Variants in NUP210 observed in about 807,000 individuals in gnomAD.
NUP210 encodes the protein nuclear pore membrane glycoprotein 210.
Under a neutral mutation model 196.0 loss-of-function variants are expected in NUP210, and 151 were observed. The observed-to-expected ratio is 0.77, with a 90% CI of 0.67 to 0.88. The LOEUF (loss-of-function observed/expected upper bound fraction) is 0.88, where lower values mean the gene tolerates loss of function less well. Among genes scored for constraint, NUP210 ranks in the 40% least tolerant of loss-of-function variants. The probability of loss-of-function intolerance (pLI) is 0.00; values close to 1 mark genes in which losing one functional copy is unlikely to be tolerated. For missense variants in NUP210, 2,314 were observed against 2,493.7 expected (o/e 0.93, Z 1.53); for synonymous variants, 1,070 against 1,052.7 (o/e 1.02, Z -0.32).
At position 13,319,948 on chromosome 3, in the gene NUP210, A is replaced by C. The variant is rs1460399464; in HGVS notation, c.5198T>G (p.Phe1733Cys). Residue 1733 changes from phenylalanine to cysteine, a missense_variant, in exon 37 of 40, where the codon TTC becomes TGC. Transcript: ENST00000254508. ...CCACCCAAAAGACTTCTCCTTTGCG[A>C]ATGCCAGCACGGCCGGGGACCCGGA... ...VKSGSPAVLA[F>C]AKEKSFGWPS... 6.2e-7 allele frequency: 1 copy of C among 1,614,086 alleles called. No individual in the cohort carries two copies. Among genetic ancestry groups the C allele is most frequent in the Non-Finnish European group, 8.5e-7 (1 of 1,180,038 alleles).
At chr3:13,410,901 G>C (rs1221319763) in intron 1 of NUP210, among the ~76,000 whole-genome samples, 2 of 135,620 alleles carry the variant, frequency 1.5e-5, no homozygotes, top group Admixed American at 7.9e-5. Context: ...CTGGGTGACA[G>C]AGCAAGACTC....
chr3:13,389,181 C>T (rs1035736860), intron 4 of NUP210, among the ~76,000 whole-genome samples: 3 of 152,244 alleles, frequency 2.0e-5, no homozygotes, highest in African/African-American at 4.8e-5. Flanking sequence ...AGGTGTCACA[C>T]GCCAAATTAC....
intron 1 of NUP210, among the ~76,000 whole-genome samples, chr3:13,405,656 G>A (rs148373623): frequency 7.2e-5 from 11 of 152,284 alleles, no homozygotes; most frequent in Non-Finnish European, 1.5e-4. Flanking sequence ...GGGCAACTGA[G>A]GAAAGGAAAG....
At position 13,388,306 on chromosome 3, in the gene NUP210, G is replaced by C. The variant is rs1225151768; in HGVS notation, c.681C>G (p.Tyr227Ter). The C allele has an allele frequency of 2.5e-6, 4 of 1,604,758 alleles. No homozygotes were observed. In the African/African-American group the frequency reaches 5.4e-5, roughly 22 times the overall value. Residue 227 changes from tyrosine to a stop codon, truncating the protein, a stop_gained, in exon 5 of 40, where the codon TAC (tyrosine) becomes TAG (stop). Transcript: ENST00000254508. LOFTEE classifies it high-confidence loss of function. ...CACCCCAGCGCCCCAGGCCCACCTT[G>C]TAGACAGCCTCCTGGATGCGAGCCT... ...KLKARIQEAV[Y>*]KNVRPAEVRL...
intron 1 of NUP210, among the ~76,000 whole-genome samples, chr3:13,419,371 G>A (rs1576437386): frequency 6.6e-6 from 1 of 152,122 alleles, no homozygotes; most frequent in Non-Finnish European, 1.5e-5. Context: ...CTGGTTTCAT[G>A]GGTCCCTGTG....
intron 29 of NUP210, 118 bp from the exon 30 acceptor site, chr3:13,330,752 C>T: frequency 1.0e-6 from 1 of 961,290 alleles, no homozygotes; most frequent in East Asian, 2.6e-5. Flanking sequence ...GAAAAAAGGC[C>T]CAATCTTGGC....
intron 18 of NUP210, among the ~76,000 whole-genome samples, chr3:13,353,017 C>T (rs1698035176): frequency 6.6e-6 from 1 of 151,986 alleles, no homozygotes; most frequent in African/African-American, 2.4e-5. Flanking sequence ...CCGTGACGCC[C>T]CCTCACTCCC....
intron 1 of NUP210, among the ~76,000 whole-genome samples, chr3:13,409,216 G>T (rs1038719348): frequency 6.6e-6 from 1 of 152,224 alleles, no homozygotes; most frequent in African/African-American, 2.4e-5. Context: ...GTGCCTGTCT[G>T]CTATGGTCTG....
At chr3:13,338,171 ATCCAGCTGT>A (rs1183666279) in intron 25 of NUP210, among the ~76,000 whole-genome samples, 1 of 152,124 alleles carries the variant, frequency 6.6e-6, no homozygotes, top group East Asian at 1.9e-4. Context: ...GCCCTGTCTG[ATCCAGCTGT>A]TCCAGGTCAG....
chr3:13,323,211 T>A lies in NUP210; in HGVS notation c.4768+98A>T. The A allele has an allele frequency of 6.8e-7, 1 of 1,469,640 alleles. No individual in the cohort carries two copies. Among genetic ancestry groups the A allele is most frequent in the Non-Finnish European group, 9.3e-7 (1 of 1,074,010 alleles). 91.0% of individuals were successfully genotyped at this position (1,469,640 alleles called of 1,614,324 possible). On this transcript the variant is annotated intron_variant, in intron 34 of 39. Coordinates refer to ENST00000254508, the MANE Select transcript of NUP210 (RefSeq NM_024923.4). The surrounding 1 kb of genome is among the most constrained non-coding windows in gnomAD (Gnocchi z 4.3). ...GCCCTCTCTGGAGTTGGTGTGAGTGTGAATAGGAGAAGCAGATAAACTCCA... is the reference window on the plus strand; with the variant it reads ...GCCCTCTCTGGAGTTGGTGTGAGTGAGAATAGGAGAAGCAGATAAACTCCA...
intron 35 of NUP210, 113 bp downstream of exon 35, chr3:13,322,080 T>C: frequency 7.4e-7 from 1 of 1,347,314 alleles, no homozygotes. Context: ...CTCCTGACAA[T>C]CTCTGCCCTC....
intron 1 of NUP210, among the ~76,000 whole-genome samples, chr3:13,407,468 A>T (rs1700038272): frequency 6.6e-6 from 1 of 152,114 alleles, no homozygotes; most frequent in Admixed American, 6.5e-5. Context: ...CCTGAATCAA[A>T]GATTCAGGCC....
chr3:13,339,722 C>A (rs1697381135), intron 25 of NUP210, 132 bp downstream of exon 25: 1 of 785,770 alleles, frequency 1.3e-6, no homozygotes, highest in South Asian at 1.6e-5. Flanking sequence ...AGGGCCCCTG[C>A]AGTGACTGCA....
At position 13,341,823 on chromosome 3, in the gene NUP210, G is replaced by T. The variant is rs781125186; in HGVS notation, c.3153C>A (p.Ile1051=). Residue 1051 remains isoleucine (I), a synonymous_variant, in exon 23 of 40, where the codon ATC becomes ATA. Transcript: ENST00000254508. ...TITFLIRGVA[I]GQTSLTASVT... Reference sequence around the variant, plus strand: ...CACTTGCAGTTAGACTGGTCTGGCCGATGGCCACACCGCGGATGAGGAATG... The same window carrying T: ...CACTTGCAGTTAGACTGGTCTGGCCTATGGCCACACCGCGGATGAGGAATG... 3 of 1,613,944 alleles carry T rather than the reference G, an allele frequency of 1.9e-6. No homozygotes were observed. Among genetic ancestry groups the T allele is most frequent in the Non-Finnish European group, 2.5e-6 (3 of 1,179,924 alleles).
At position 13,420,018 on chromosome 3, in the gene NUP210, G is replaced by A. The variant is rs765093606; in HGVS notation, c.167+42C>T. Reference sequence around the variant, plus strand: ...CCCAGCCTCTCAGCGCGAAGGCCCAGCCCGGCCCACGGCGCCCGCCCGGCC... The same window carrying A: ...CCCAGCCTCTCAGCGCGAAGGCCCAACCCGGCCCACGGCGCCCGCCCGGCC... On this transcript the variant is annotated intron_variant, in intron 1 of 39. Transcript: ENST00000254508. This position sits in a 1 kb window ranked among gnomAD's most constrained non-coding sequence, Gnocchi z 4.8. The A allele has an allele frequency of 8.9e-5, 102 of 1,151,494 alleles. No homozygotes were observed. Among genetic ancestry groups the A allele is most frequent in the Non-Finnish European group, 1.1e-4 (101 of 932,324 alleles). The allele number at this position is 1,151,494 out of a possible 1,614,324, so 71.3% of individuals were successfully genotyped here.
chr3:13,377,137 G>A (rs555410832), intron 9 of NUP210, among the ~76,000 whole-genome samples: 1 of 152,312 alleles, frequency 6.6e-6, no homozygotes, highest in East Asian at 1.9e-4. Context: ...CCCAGCTTGG[G>A]GAAAAGGGGG....
Position 13,350,916 on chromosome 3 carries a change from T to A in NUP210, c.2835+963A>T, listed in dbSNP as rs1697949685. Among the ~76,000 whole-genome samples the A allele has an allele frequency of 6.6e-6, 1 of 151,848 alleles. No individual in the cohort carries two copies. Among genetic ancestry groups the A allele is most frequent in the Admixed American group, 6.6e-5 (1 of 15,242 alleles). The stretch of plus-strand genomic sequence containing the variant: ...GGTTTCACCGTGTTAGCCAGGATGG[T>A]CTCAATCTCCTGACCTTGTGATCAG... On this transcript the variant is annotated intron_variant, in intron 20 of 39. Coordinates refer to ENST00000254508, the MANE Select transcript of NUP210 (RefSeq NM_024923.4). This position sits in a 1 kb window ranked among gnomAD's most constrained non-coding sequence, Gnocchi z 4.1.
chr3:13,420,028 C>T lies in NUP210; in HGVS notation c.167+32G>A. 8.5e-7 allele frequency: 1 copy of T among 1,174,274 alleles called. No homozygotes were observed. The highest frequency in any genetic ancestry group is 1.1e-6 in the Non-Finnish European group (1 of 944,484). The allele number at this position is 1,174,274 out of a possible 1,614,324, so 72.7% of individuals were successfully genotyped here. A position where few individuals can be genotyped will look rare whatever the true frequency, so the allele number is the denominator to read the frequency against. ...CAGCGCGAAGGCCCAGCCCGGCCCA[C>T]GGCGCCCGCCCGGCCCGGCCGCGCG... On this transcript the variant is annotated intron_variant, in intron 1 of 39. Transcript: ENST00000254508. This position sits in a 1 kb window ranked among gnomAD's most constrained non-coding sequence, Gnocchi z 4.8.
Position 13,397,368 on chromosome 3 carries a change from A to G in NUP210, c.425T>C (p.Leu142Pro), listed in dbSNP as rs761500704. 1 of 1,610,356 alleles carries G rather than the reference A, an allele frequency of 6.2e-7. No individual in the cohort carries two copies. The highest frequency in any genetic ancestry group is 8.5e-7 in the Non-Finnish European group (1 of 1,178,736). Residue 142 changes from leucine to proline, a missense_variant, in exon 3 of 40, where the codon CTG (leucine) becomes CCG (proline). By Grantham distance (98) the Leu-to-Pro change is moderately conservative (BLOSUM62 -3). Transcript: ENST00000254508. The stretch of plus-strand genomic sequence containing the variant: ...GGGGACGTTCTCACCTTCGGAGTCC[A>G]GGGCCTGGATCTTCAGCTCCAGGGG... ...DSPLELKIQALDSEGNTFSTL... is the reference protein window; with the variant it reads ...DSPLELKIQAPDSEGNTFSTL...
Sources: gnomAD v4.1 joint callset for allele counts (sites outside exome capture counted in the v4.1 genomes callset) on GRCh38, gnomAD v4.1.1 for gene constraint, Gnocchi (gnomAD v3.1) non-coding constraint, MANE v1.5 for transcripts, NCBI Gene and HGNC (gene_info 2026-07-23, HGNC 2026-07-21) for gene names.